DMD: variants seen among roughly 807,000 people sequenced by gnomAD.
DMD encodes dystrophin, also known as mutant dystrophin.
In DMD, 63 loss-of-function variants were observed where a neutral mutation model predicts 330.1. The ratio of observed to expected loss-of-function variants is 0.19; its 90% CI spans 0.16 to 0.24. The LOEUF (loss-of-function observed/expected upper bound fraction) is 0.24. Among genes scored for constraint, DMD ranks in the 10% least tolerant of loss-of-function variants. The probability of loss-of-function intolerance (pLI) is 1.00; values close to 1 mark genes in which losing one functional copy is unlikely to be tolerated. For missense variants in DMD, 3,344 were observed against 2,684.1 expected, an observed-to-expected ratio of 1.25 and a Z score of -5.43; for synonymous variants, 1,223 against 959.8, an observed-to-expected ratio of 1.27 and a Z score of -5.07.
chrX:32,410,898 A>G (rs1465380336), intron 30 of DMD, among the ~76,000 whole-genome samples: 1 of 112,135 alleles, frequency 8.9e-6, no homozygotes, highest in Admixed American at 9.5e-5. Flanking sequence ...CTCATTCTAG[A>G]AAAACAGGTA....
At chrX:32,201,070 C>A (rs1032446675) in intron 44 of DMD, among the ~76,000 whole-genome samples, 1 of 111,613 alleles carries the variant, frequency 9.0e-6, no homozygotes, top group African/African-American at 3.3e-5. Context: ...GTGGTTTACC[C>A]CTTATCTGTA....
At chrX:31,478,578 C>T (rs779347792) in intron 58 of DMD, among the ~76,000 whole-genome samples, 10 of 111,426 alleles carry the variant, frequency 9.0e-5, no homozygotes, top group South Asian at 7.6e-4. Context: ...TATATCAATC[C>T]GACAATTTAA....
chrX:32,649,685 G>GACAATTTCTAGTC (rs1453039450), intron 9 of DMD, among the ~76,000 whole-genome samples: 1 of 109,162 alleles, frequency 9.2e-6, no homozygotes, highest in Non-Finnish European at 1.9e-5. Flanking sequence ...CATTTCTGGA[G>GACAATTTCTAGTC]ACAATTTCTA....
chrX:32,579,466 T>A, intron 13 of DMD, among the ~76,000 whole-genome samples: 1 of 111,950 alleles, frequency 8.9e-6, no homozygotes, highest in East Asian at 2.8e-4. Context: ...TCCATTTGGC[T>A]ACAAGTTCAT....
chrX:31,569,435 A>G (rs2075636244), intron 55 of DMD, among the ~76,000 whole-genome samples: 2 of 108,109 alleles, frequency 1.8e-5, no homozygotes, highest in South Asian at 7.9e-4. Flanking sequence ...ATGGTGACAC[A>G]AATGATTCTT....
rs533385394 is a variant in DMD at position 31,675,125 on chromosome X, A to G, written c.7872+4250T>C. 1.3e-4 allele frequency among the ~76,000 whole-genome samples: 15 copies of G among 112,427 alleles called. 1 individual carries two copies. The highest frequency in any genetic ancestry group is 9.3e-3 in the Middle Eastern group (2 of 216). On this transcript the variant is annotated intron_variant, in intron 53 of 78. Coordinates refer to ENST00000357033, the MANE Select transcript of DMD (RefSeq NM_004006.3). ...CTTTCTAACTTCATGTTTTTGTTTT[A>G]GAAAAAATTAAGGGTGAAAGAAAAC...
rs764955716 is a variant in DMD at position 32,968,961 on chromosome X, G to GAGGTTGC, written c.93+51171_93+51177dup. Among the ~76,000 whole-genome samples the GAGGTTGC allele has an allele frequency of 8.5e-3, 803 of 94,079 alleles. 16 individuals are homozygous for GAGGTTGC. Among genetic ancestry groups the GAGGTTGC allele is most frequent in the African/African-American group, 0.029 (736 of 25,549 alleles). 81.7% of individuals were successfully genotyped at this position (94,079 alleles called of 115,157 possible). Reference sequence around the variant, plus strand: ...GAGAATTGCTTGAAACCCGGAGGCAGAGGTTGCAGTGAGCCAAGATCGTGC... The same window carrying GAGGTTGC: ...GAGAATTGCTTGAAACCCGGAGGCAGAGGTTGCAGGTTGCAGTGAGCCAAGATCGTGC... On this transcript the variant is annotated intron_variant, in intron 2 of 78. Coordinates refer to ENST00000357033, the MANE Select transcript of DMD (RefSeq NM_004006.3).
At position 32,984,192 on chromosome X, in the gene DMD, A is replaced by G. The variant is rs148882063; in HGVS notation, c.93+35947T>C. On this transcript the variant is annotated intron_variant, in intron 2 of 78. Transcript: ENST00000357033. ...ACATGCAAGAAAAGAAGTGGTACCA[A>G]GTGATCACCAGAGACACATGGAGTG... 4.4e-3 allele frequency among the ~76,000 whole-genome samples: 496 copies of G among 112,346 alleles called. 1 individual carries two copies. Among genetic ancestry groups the G allele is most frequent in the African/African-American group, 0.015 (470 of 30,972 alleles).
At chrX:31,296,728 A>G (rs1030774385) in intron 62 of DMD, among the ~76,000 whole-genome samples, 2 of 111,997 alleles carry the variant, frequency 1.8e-5, no homozygotes, top group African/African-American at 6.5e-5. Context: ...TTTTACTTAT[A>G]ATATTCCTGA....
intron 18 of DMD, chrX:32,517,713 T>C (rs2045990710): frequency 2.6e-6 from 1 of 390,320 alleles, no homozygotes. Context: ...GAACAATATA[T>C]GAAAGGAATC....
intron 45 of DMD, among the ~76,000 whole-genome samples, chrX:31,935,588 T>G (rs752599479): frequency 1.8e-5 from 2 of 111,692 alleles, no homozygotes; most frequent in Non-Finnish European, 3.8e-5. Context: ...TCTCTCTGTT[T>G]CTACTCTGCA....
At chrX:31,906,195 A>T (rs2094476844) in intron 47 of DMD, among the ~76,000 whole-genome samples, 1 of 111,946 alleles carries the variant, frequency 8.9e-6, no homozygotes, top group South Asian at 3.7e-4. Flanking sequence ...CATGTGAAGA[A>T]GAAGGTGTTT....
At chrX:33,241,089 T>A (rs186333516) in intron 1 of DMD, among the ~76,000 whole-genome samples, 74 of 111,739 alleles carry the variant, frequency 6.6e-4, no homozygotes, top group Middle Eastern at 4.6e-3. Context: ...CTATATTTGG[T>A]TTTGTTTCCT....
At chrX:32,287,799 G>T in intron 42 of DMD, 98 bp from the exon 43 acceptor site, 1 of 582,797 alleles carries the variant, frequency 1.7e-6, no homozygotes. Context: ...GGTAGCAAAT[G>T]GTGTTGCAAT....
intron 48 of DMD, among the ~76,000 whole-genome samples, chrX:31,838,398 T>C (rs1156875751): frequency 8.9e-6 from 1 of 112,185 alleles, no homozygotes; most frequent in Non-Finnish European, 1.9e-5. Flanking sequence ...CATTTATGTA[T>C]ACCATAAATT....
intron 9 of DMD, among the ~76,000 whole-genome samples, chrX:32,683,500 G>A (rs1046207319): frequency 3.7e-5 from 4 of 108,410 alleles, no homozygotes; most frequent in Non-Finnish European, 7.6e-5. Context: ...GTAGGGACAT[G>A]GATGAAGCTG....
chrX:32,808,354 AT>A (rs2077105804), intron 7 of DMD, among the ~76,000 whole-genome samples: 1 of 112,248 alleles, frequency 8.9e-6, no homozygotes, highest in Non-Finnish European at 1.9e-5. Context: ...AGAGCAATAT[AT>A]TTGTCAATTG....
intron 18 of DMD, among the ~76,000 whole-genome samples, chrX:32,506,253 G>A (rs893828795): frequency 3.8e-4 from 42 of 110,381 alleles, no homozygotes; most frequent in African/African-American, 1.2e-3. Context: ...GTTGACAGTG[G>A]GGCAGGCTAT....
chrX:32,590,435 G>T (rs1007486590), intron 13 of DMD, among the ~76,000 whole-genome samples: 15 of 111,575 alleles, frequency 1.3e-4, no homozygotes, highest in African/African-American at 4.9e-4. Flanking sequence ...TTTCTTCCGG[G>T]TGTGTCTGTG....
Sources: gnomAD v4.1 joint callset for allele counts (sites outside exome capture counted in the v4.1 genomes callset) on GRCh38, gnomAD v4.1.1 for gene constraint, MANE v1.5 for transcripts, NCBI Gene and HGNC (gene_info 2026-07-23, HGNC 2026-07-21) for gene names.